Variants in A4GALT observed in about 807,000 individuals in gnomAD.
A4GALT encodes the protein lactosylceramide 4-alpha-galactosyltransferase.
For missense variants in A4GALT, 512 were observed against 486.0 expected (o/e 1.05, Z -0.50); for synonymous variants, 257 against 220.7 (o/e 1.16, Z -1.46).
chr22:42,713,645 C>T (rs955475536), intron 1 of A4GALT, among the ~76,000 whole-genome samples: 1 of 151,250 alleles, frequency 6.6e-6, no homozygotes, highest in Non-Finnish European at 1.5e-5. Flanking sequence ...AACCCCACCT[C>T]AACTAAAAAT....
intron 1 of A4GALT, among the ~76,000 whole-genome samples, chr22:42,705,598 CAA>C (rs68144596): frequency 0.011 from 775 of 72,110 alleles, 62 homozygotes; most frequent in African/African-American, 0.03. Flanking sequence ...GATTCTGTCT[CAA>C]AAAAAAAAAA....
In A4GALT at chr22:42,693,300, C is replaced by T. The variant is rs1000201351; in HGVS notation, c.652G>A (p.Gly218Ser). ...LGTQSRYVLN[G>S]AFLAFERRHE... ...CGGCGCTCGAAGGCCAGGAACGCGC[C>T]GTTGAGGACGTAGCGGGACTGGGTG... The change falls in exon 3 of 3, where the codon GGC becomes AGC. Residue 218 changes from glycine to serine, a missense_variant. Coordinates refer to ENST00000642412, the MANE Select transcript of A4GALT (RefSeq NM_017436.7). 13 of 1,612,972 alleles carry T rather than the reference C, an allele frequency of 8.1e-6. No homozygotes were observed. The South Asian group carries it at 1.1e-4, about 14-fold the overall frequency.
At chr22:42,707,451 T>C (rs1569057031) in intron 1 of A4GALT, among the ~76,000 whole-genome samples, 1 of 151,432 alleles carries the variant, frequency 6.6e-6, no homozygotes, top group Non-Finnish European at 1.5e-5. Context: ...AGGACAGGAG[T>C]TTGAGACCAG....
chr22:42,706,951 C>A (rs1921200321), intron 1 of A4GALT, among the ~76,000 whole-genome samples: 2 of 152,078 alleles, frequency 1.3e-5, no homozygotes, highest in South Asian at 4.1e-4. Flanking sequence ...CGGTATAATT[C>A]ATAATGCATC....
At chr22:42,701,367 A>ACT (rs1931288052) in intron 1 of A4GALT, among the ~76,000 whole-genome samples, 1 of 152,190 alleles carries the variant, frequency 6.6e-6, no homozygotes, top group African/African-American at 2.4e-5. Context: ...CCAGACTCAG[A>ACT]CAGGAGCCCG....
chr22:42,718,444 G>C (rs145587354), intron 1 of A4GALT: 2 of 101,026 alleles, frequency 2.0e-5, no homozygotes, highest in African/African-American at 7.1e-5. Context: ...TGTATTTTTA[G>C]TGGAGATGGG....
At chr22:42,707,250 CA>C (rs550657583) in intron 1 of A4GALT, among the ~76,000 whole-genome samples, 3 of 151,994 alleles carry the variant, frequency 2.0e-5, no homozygotes, top group Admixed American at 6.6e-5. Context: ...CAATAACATC[CA>C]AAAAATATTT....
At chr22:42,705,056 T>C (rs1195935880) in intron 1 of A4GALT, among the ~76,000 whole-genome samples, 2 of 152,162 alleles carry the variant, frequency 1.3e-5, no homozygotes, top group East Asian at 3.9e-4. Flanking sequence ...GAGGAGTGGA[T>C]GCAGAGAAAG....
intron 1 of A4GALT, among the ~76,000 whole-genome samples, chr22:42,706,165 C>A (rs1399573916): frequency 1.6e-5 from 2 of 124,796 alleles, no homozygotes; most frequent in East Asian, 2.2e-4. Flanking sequence ...ACCATCCTGG[C>A]TAACACGGTG....
intron 1 of A4GALT, among the ~76,000 whole-genome samples, chr22:42,699,536 C>T (rs554802675): frequency 2.6e-5 from 4 of 152,266 alleles, no homozygotes; most frequent in South Asian, 2.1e-4. Flanking sequence ...GGGCCTGGCC[C>T]GGGGAGCTGA....
chr22:42,699,240 T>C (rs968652269), intron 1 of A4GALT, among the ~76,000 whole-genome samples: 15 of 152,056 alleles, frequency 9.9e-5, no homozygotes, highest in African/African-American at 3.6e-4. Flanking sequence ...TGTGCCACCA[T>C]GCCCGGCTGA....
intron 1 of A4GALT, among the ~76,000 whole-genome samples, chr22:42,709,067 A>ATATATATATTTTTTTTT (rs1180529043): frequency 1.3e-3 from 168 of 128,800 alleles, no homozygotes; most frequent in South Asian, 1.8e-3. Context: ...ATATATATAT[A>ATATATATATTTTTTTTT]TTTTTTTTAA....
intron 1 of A4GALT, among the ~76,000 whole-genome samples, chr22:42,714,745 G>GA (rs143193015): frequency 0.11 from 17,278 of 151,948 alleles, 1,033 homozygotes; most frequent in African/African-American, 0.13. Context: ...CTACAGGCTG[G>GA]AAAAAAGAAA....
chr22:42,692,328 C>T lies in A4GALT; in HGVS notation c.*562G>A, dbSNP rs959741390. On this transcript the variant is annotated 3_prime_UTR_variant, in exon 3 of 3. Transcript: ENST00000642412. The surrounding 1 kb of genome is among the most constrained non-coding windows in gnomAD (Gnocchi z 4.6). ...GTGGGCAGAAGGGGCTGCCCCCAAACGGCTCCCCAGGCTGGCACTTCTGGG... is the reference window on the plus strand; with the variant it reads ...GTGGGCAGAAGGGGCTGCCCCCAAATGGCTCCCCAGGCTGGCACTTCTGGG... 66 of 268,318 alleles carry T rather than the reference C, an allele frequency of 2.5e-4. No homozygotes were observed. The highest frequency in any genetic ancestry group is 1.3e-3 in the African/African-American group (59 of 45,172). 16.6% of individuals were successfully genotyped at this position (268,318 alleles called of 1,614,324 possible). A position where few individuals can be genotyped will look rare whatever the true frequency, so the allele number is the denominator to read the frequency against.
intron 1 of A4GALT, among the ~76,000 whole-genome samples, chr22:42,698,067 G>A (rs1288659090): frequency 3.9e-5 from 6 of 152,108 alleles, no homozygotes; most frequent in Non-Finnish European, 8.8e-5. Flanking sequence ...TGGCCAACAC[G>A]GTGAAACCCC....
Position 42,693,383 on chromosome 22 carries a change from T to TA in A4GALT, c.568dup (p.Tyr190LeufsTer93). The TA allele has an allele frequency of 6.2e-7, 1 of 1,613,232 alleles. No homozygotes were observed. Among genetic ancestry groups the TA allele is most frequent in the Non-Finnish European group, 8.5e-7 (1 of 1,179,982 alleles). ...GAGAACAATGAAGTCCGTGTCCAGG[T>TA]AGATGCCGCCGAACTTCCACATGAG... On this transcript the variant is annotated frameshift_variant, in exon 3 of 3. Coordinates refer to ENST00000642412, the MANE Select transcript of A4GALT (RefSeq NM_017436.7). LOFTEE classifies it low-confidence loss of function (END_TRUNC).
intron 1 of A4GALT, among the ~76,000 whole-genome samples, chr22:42,700,575 T>C (rs1931232992): frequency 6.6e-6 from 1 of 152,164 alleles, no homozygotes; most frequent in Admixed American, 6.5e-5. Context: ...GGCTGGGGTG[T>C]GGCCACCCCT....
At chr22:42,701,786 A>C (rs1931314500) in intron 1 of A4GALT, among the ~76,000 whole-genome samples, 1 of 152,144 alleles carries the variant, frequency 6.6e-6, no homozygotes, top group Non-Finnish European at 1.5e-5. Context: ...TGTGCTTCCC[A>C]TGGGGTCACT....
chr22:42,703,083 G>C (rs1012322641), intron 1 of A4GALT, among the ~76,000 whole-genome samples: 2 of 140,288 alleles, frequency 1.4e-5, no homozygotes, highest in Admixed American at 6.9e-5. Flanking sequence ...GTGTGTGTGT[G>C]TGAGAGAGAG....
Sources: gnomAD v4.1 joint callset for allele counts (sites outside exome capture counted in the v4.1 genomes callset) on GRCh38, gnomAD v4.1.1 for gene constraint, Gnocchi (gnomAD v3.1) non-coding constraint, MANE v1.5 for transcripts, NCBI Gene and HGNC (gene_info 2026-07-23, HGNC 2026-07-21) for gene names.